Variants in SYNE1 observed in about 807,000 individuals in gnomAD.
The protein encoded by SYNE1 is spectrin repeat containing nuclear envelope protein 1, also known as nesprin-1.
A neutral mutation model predicts 1,111.0 loss-of-function variants in SYNE1; 616 were observed. That is an observed-to-expected ratio of 0.55 (90% CI 0.52 to 0.59). The LOEUF (loss-of-function observed/expected upper bound fraction) is 0.59, where lower values mean the gene tolerates loss of function less well. Among genes scored for constraint, SYNE1 ranks in the 20% least tolerant of loss-of-function variants. The pLI, the probability that SYNE1 is intolerant of heterozygous loss-of-function variation, is 0.00. For synonymous variants in SYNE1, 3,855 were observed against 3,825.8 expected (o/e 1.01, Z -0.28); for missense variants, 10,006 against 10,417.0 (o/e 0.96, Z 1.72).
At chr6:152,432,593 T>A (rs185324669) in intron 34 of SYNE1, among the ~76,000 whole-genome samples, 306 of 152,096 alleles carry the variant, frequency 2.0e-3, no homozygotes, top group Non-Finnish European at 3.3e-3. Context: ...TGAGATGACA[T>A]TAGATAGTTG....
At chr6:152,357,459 T>A (rs376338107) in intron 66 of SYNE1, among the ~76,000 whole-genome samples, 1 of 152,188 alleles carries the variant, frequency 6.6e-6, no homozygotes, top group African/African-American at 2.4e-5. Context: ...ATTTGTAAGT[T>A]CCAACACATC....
chr6:152,250,972 CAG>C (rs911420838), intron 104 of SYNE1, among the ~76,000 whole-genome samples: 20 of 152,244 alleles, frequency 1.3e-4, no homozygotes, highest in Admixed American at 3.3e-4. Flanking sequence ...TGTTTTGAGA[CAG>C]AGTCTTGCTC....
rs796505408 is a variant in SYNE1, at chr6:152,617,968, AG to A, written c.67+10296del. On this transcript the variant is annotated intron_variant, in intron 3 of 145. Transcript: ENST00000367255. ...AGGCTGAGTAGAAATGAAAAAAGGA[AG>A]GTTAATCGAAGTCAGGCAATGGACA... 6.6e-5 allele frequency among the ~76,000 whole-genome samples: 10 copies of A among 152,312 alleles called. No homozygotes were observed. The South Asian group carries it at 2.1e-3, about 32-fold the overall frequency.
At position 152,390,442 on chromosome 6, in the gene SYNE1, A is replaced by G. The variant is rs147870520; in HGVS notation, c.8015T>C (p.Leu2672Pro). The G allele has an allele frequency of 1.2e-4, 194 of 1,613,874 alleles. No homozygotes were observed. In the African/African-American group the frequency reaches 2.3e-3, roughly 19 times the overall value. The change falls in exon 53 of 146, where the codon CTG (leucine) becomes CCG (proline). Residue 2672 changes from leucine (L) to proline (P), a missense_variant. Leu to Pro is a moderately conservative substitution (Grantham distance 98). Transcript: ENST00000367255. ...KRLSQIQDIL[L>P]MKGEGEVKLN... Reference sequence around the variant, plus strand: ...CTTAACTTCCCCTTCACCTTTCATCAGGAGAATATCCTGGGAAGGAAGAAA... The same window carrying G: ...CTTAACTTCCCCTTCACCTTTCATCGGGAGAATATCCTGGGAAGGAAGAAA...
chr6:152,197,264 C>T (rs536017381), intron 127 of SYNE1, among the ~76,000 whole-genome samples: 5 of 152,138 alleles, frequency 3.3e-5, no homozygotes, highest in Non-Finnish European at 7.4e-5. Flanking sequence ...CTTATGAAGG[C>T]GCTTTCTTAT....
intron 38 of SYNE1, among the ~76,000 whole-genome samples, chr6:152,425,991 G>C (rs1164482645): frequency 6.6e-6 from 1 of 152,094 alleles, no homozygotes; most frequent in East Asian, 1.9e-4. Context: ...TTCTAGCCTG[G>C]GACATGTTCT....
intron 3 of SYNE1, among the ~76,000 whole-genome samples, chr6:152,571,549 A>G (rs1272795399): frequency 6.6e-6 from 1 of 152,166 alleles, no homozygotes; most frequent in Non-Finnish European, 1.5e-5. Context: ...TTTAATTTCT[A>G]TATGTGTATA....
intron 11 of SYNE1, among the ~76,000 whole-genome samples, chr6:152,493,145 G>A (rs1178597944): frequency 6.6e-6 from 1 of 151,906 alleles, no homozygotes; most frequent in Non-Finnish European, 1.5e-5. Flanking sequence ...TTGACCACAT[G>A]CCCATTACTA....
At chr6:152,481,055 A>G (rs1444281037) in intron 14 of SYNE1, 1 of 293,428 alleles carries the variant, frequency 3.4e-6, no homozygotes, top group East Asian at 8.4e-5. Context: ...TGCATTGGCC[A>G]ACTTAGGACT....
chr6:152,572,586 C>T (rs1292118243), intron 3 of SYNE1, among the ~76,000 whole-genome samples: 1 of 152,102 alleles, frequency 6.6e-6, no homozygotes, highest in African/African-American at 2.4e-5. Context: ...GTCACAAAAC[C>T]AGAATGTCAG....
intron 98 of SYNE1, among the ~76,000 whole-genome samples, chr6:152,274,675 C>A (rs1030417293): frequency 1.3e-5 from 2 of 152,278 alleles, no homozygotes; most frequent in African/African-American, 2.4e-5. Context: ...CGGCTCACTG[C>A]AACCTCTGCC....
intron 95 of SYNE1, among the ~76,000 whole-genome samples, chr6:152,291,475 T>C (rs542763861): frequency 5.3e-5 from 8 of 152,224 alleles, no homozygotes; most frequent in African/African-American, 1.9e-4. Flanking sequence ...AATTTATAAT[T>C]ATCAGAATTA....
intron 3 of SYNE1, among the ~76,000 whole-genome samples, chr6:152,589,283 T>A (rs755884234): frequency 1.3e-5 from 2 of 152,224 alleles, no homozygotes; most frequent in Non-Finnish European, 2.9e-5. Context: ...TATGTAATCA[T>A]GAAATATACT....
At position 152,444,539 on chromosome 6, in the gene SYNE1, A is replaced by T; in HGVS notation, c.3709T>A (p.Tyr1237Asn). 1 of 1,613,524 alleles carries T rather than the reference A, an allele frequency of 6.2e-7. No homozygotes were observed. Among genetic ancestry groups the T allele is most frequent in the Non-Finnish European group, 8.5e-7 (1 of 1,179,870 alleles). Residue 1237 changes from tyrosine (Y) to asparagine (N), a missense_variant, in exon 30 of 146, where the codon TAC (tyrosine) becomes AAC (asparagine). Tyr to Asn is a moderately radical substitution (Grantham distance 143, BLOSUM62 -2). Transcript: ENST00000367255. The part of the protein sequence containing the change: ...MLSNFGDCVQ[Y>N]KEIVKNSLEE... ...AGAGAATTTTTGACTATTTCTTTGT[A>T]CTGGACACAGTCCCCAAAATTGCTT...
chr6:152,537,510 A>G (rs1224496512), intron 4 of SYNE1, among the ~76,000 whole-genome samples: 3 of 152,096 alleles, frequency 2.0e-5, no homozygotes, highest in African/African-American at 7.2e-5. Flanking sequence ...ACAGATTGCA[A>G]TCTTATTTGC....
At chr6:152,191,757 C>T (rs6557204) in intron 127 of SYNE1, among the ~76,000 whole-genome samples, 6,582 of 151,948 alleles carry the variant, frequency 0.043, 153 homozygotes, top group Middle Eastern at 0.092. Flanking sequence ...TTTATTTCTG[C>T]TTTAAGCTCC....
At chr6:152,171,789 G>A (rs1158254094) in intron 130 of SYNE1, among the ~76,000 whole-genome samples, 1 of 152,146 alleles carries the variant, frequency 6.6e-6, no homozygotes, top group Non-Finnish European at 1.5e-5. Context: ...TTTTGTGGGA[G>A]CACTGCCATG....
At chr6:152,189,524 A>G (rs904204245) in intron 127 of SYNE1, 117 bp from the exon 128 acceptor site, 3 of 968,272 alleles carry the variant, frequency 3.1e-6, no homozygotes, top group Non-Finnish European at 4.7e-6. Flanking sequence ...TTAAATATCT[A>G]ACTTGGGATC....
intron 3 of SYNE1, among the ~76,000 whole-genome samples, chr6:152,557,129 C>G (rs1223116988): frequency 1.3e-5 from 2 of 151,818 alleles, no homozygotes; most frequent in Admixed American, 6.6e-5. Flanking sequence ...AAGAACAAAA[C>G]AAAAATTCTG....
Sources: gnomAD v4.1 joint callset for allele counts (sites outside exome capture counted in the v4.1 genomes callset) on GRCh38, gnomAD v4.1.1 for gene constraint, MANE v1.5 for transcripts, NCBI Gene and HGNC (gene_info 2026-07-23, HGNC 2026-07-21) for gene names.